The following TAFA2 variants were observed in gnomAD, a reference collection of about 807,000 sequenced individuals.
TAFA2 encodes the protein TAFA chemokine like family member 2, also known as chemokine-like protein TAFA-2.
A neutral mutation model predicts 18.8 loss-of-function variants in TAFA2; 7 were observed. The ratio of observed to expected loss-of-function variants is 0.37; its 90% CI spans 0.21 to 0.70. TAFA2 has a LOEUF of 0.70. Ranked by LOEUF, TAFA2 falls within the 30% of genes least tolerant of loss-of-function variation. The pLI is 0.53. For missense variants in TAFA2, 122 were observed against 158.1 expected, an observed-to-expected ratio of 0.77 and a Z score of 1.23; for synonymous variants, 60 against 54.2, an observed-to-expected ratio of 1.11 and a Z score of -0.47.
chr12:61,913,143 G>T (rs1876681451), intron 1 of TAFA2, among the ~76,000 whole-genome samples: 1 of 152,098 alleles, frequency 6.6e-6, no homozygotes, highest in Admixed American at 6.6e-5. Context: ...GAGGCTATAG[G>T]TTTTCAATTC....
chr12:61,921,439 A>G (rs1240977473), intron 1 of TAFA2, among the ~76,000 whole-genome samples: 1 of 152,168 alleles, frequency 6.6e-6, no homozygotes, highest in Non-Finnish European at 1.5e-5. Context: ...GAGGACCTTA[A>G]AATTTTGGCG....
At chr12:62,147,326 GTATATATATATATATA>G (rs1219861920) in intron 1 of TAFA2, among the ~76,000 whole-genome samples, 21 of 19,552 alleles carry the variant, frequency 1.1e-3, no homozygotes, top group African/African-American at 2.5e-3. Context: ...GTGTATGTAT[GTATATATATATATATA>G]TATATATATA....
intron 2 of TAFA2, among the ~76,000 whole-genome samples, chr12:61,761,488 G>A (rs1869545428): frequency 1.3e-5 from 2 of 152,018 alleles, no homozygotes; most frequent in South Asian, 4.2e-4. Flanking sequence ...CTTAATATGA[G>A]CACTAACTTA....
rs564047498 is a variant in TAFA2, at chr12:62,136,588, C to G, written c.-2+54671G>C. Among the ~76,000 whole-genome samples the G allele has an allele frequency of 2.0e-5, 3 of 152,234 alleles. No individual in the cohort carries two copies. The South Asian group carries it at 6.2e-4, about 32-fold the overall frequency. ...AGTTAAGCATAAGGTATAAAGACAT[C>G]CAAAGCTTTTTCTGTAAACACTATA... On this transcript the variant is annotated intron_variant, in intron 1 of 4. Coordinates refer to ENST00000416284, the MANE Select transcript of TAFA2 (RefSeq NM_178539.5).
intron 2 of TAFA2, among the ~76,000 whole-genome samples, chr12:61,826,272 A>T (rs888755701): frequency 1.3e-5 from 2 of 151,996 alleles, no homozygotes; most frequent in African/African-American, 4.8e-5. Context: ...CCTTTAAAAA[A>T]ATATTTCCAG....
chr12:61,736,435 G>A (rs991985618), intron 4 of TAFA2, among the ~76,000 whole-genome samples: 4 of 152,000 alleles, frequency 2.6e-5, no homozygotes, highest in African/African-American at 9.7e-5. Flanking sequence ...CTTTACTGAT[G>A]AATTTGGTAT....
intron 1 of TAFA2, among the ~76,000 whole-genome samples, chr12:61,990,691 G>T (rs1009464799): frequency 2.6e-5 from 4 of 152,146 alleles, no homozygotes; most frequent in Non-Finnish European, 5.9e-5. Flanking sequence ...AACACACAGG[G>T]TTGTCGTAAG....
chr12:61,719,932 A>G (rs1869823191), intron 4 of TAFA2, among the ~76,000 whole-genome samples: 2 of 152,204 alleles, frequency 1.3e-5, no homozygotes, highest in South Asian at 4.1e-4. Context: ...TATGTGGTAA[A>G]TCTTTTATTT....
intron 1 of TAFA2, chr12:62,234,825 C>T (rs772441253): frequency 4.3e-5 from 44 of 1,029,272 alleles, no homozygotes; most frequent in Non-Finnish European, 5.6e-5. Flanking sequence ...GTCTGGCTGA[C>T]TTACGAGAGT....
chr12:61,761,127 A>G (rs1249539476), intron 2 of TAFA2, among the ~76,000 whole-genome samples: 2 of 152,030 alleles, frequency 1.3e-5, no homozygotes, highest in Non-Finnish European at 2.9e-5. Flanking sequence ...TGCCTCTTAA[A>G]TCATATCTTA....
chr12:61,744,004 C>T (rs1316545715), intron 4 of TAFA2, among the ~76,000 whole-genome samples: 2 of 151,992 alleles, frequency 1.3e-5, no homozygotes, highest in African/African-American at 4.8e-5. Flanking sequence ...TTTTATTAAG[C>T]CATTTTAGTA....
At chr12:62,013,706 A>G (rs1880840314) in intron 1 of TAFA2, among the ~76,000 whole-genome samples, 1 of 152,256 alleles carries the variant, frequency 6.6e-6, no homozygotes, top group Non-Finnish European at 1.5e-5. Context: ...TCTATTTAAT[A>G]ACAACTTATT....
intron 4 of TAFA2, among the ~76,000 whole-genome samples, chr12:61,710,923 GAAAAATTATA>G (rs1869372921): frequency 2.2e-5 from 1 of 46,026 alleles, no homozygotes; most frequent in Admixed American, 1.9e-4. Context: ...AATTATATTT[GAAAAATTATA>G]TTTGAAAAAT....
At chr12:61,754,290 A>G (rs1869159314) in intron 3 of TAFA2, among the ~76,000 whole-genome samples, 1 of 152,004 alleles carries the variant, frequency 6.6e-6, no homozygotes, top group Non-Finnish European at 1.5e-5. Context: ...ATATTATAGT[A>G]ATATGAGCAC....
chr12:62,233,504 C>G (rs1169477734), intron 1 of TAFA2, among the ~76,000 whole-genome samples: 2 of 152,154 alleles, frequency 1.3e-5, no homozygotes, highest in Non-Finnish European at 2.9e-5. Flanking sequence ...ATCCTCTCCA[C>G]GTCCATTTCT....
At chr12:62,239,762 C>A (rs1037857115) in intron 1 of TAFA2, among the ~76,000 whole-genome samples, 1 of 152,216 alleles carries the variant, frequency 6.6e-6, no homozygotes, top group East Asian at 1.9e-4. Context: ...CCGAGTGAGT[C>A]TTCAAATGAT....
intron 1 of TAFA2, among the ~76,000 whole-genome samples, chr12:62,037,386 T>C (rs1881638103): frequency 6.6e-6 from 1 of 152,208 alleles, no homozygotes; most frequent in Non-Finnish European, 1.5e-5. Flanking sequence ...GATTAAGTCT[T>C]CAACAGCTAA....
chr12:62,120,082 A>C (rs1334281744), intron 1 of TAFA2, among the ~76,000 whole-genome samples: 1 of 152,150 alleles, frequency 6.6e-6, no homozygotes, highest in East Asian at 1.9e-4. Flanking sequence ...CATTAAAAAA[A>C]AAAGTAAAAG....
At chr12:62,081,056 G>A (rs760493354) in intron 1 of TAFA2, among the ~76,000 whole-genome samples, 82 of 152,196 alleles carry the variant, frequency 5.4e-4, no homozygotes, top group Middle Eastern at 3.4e-3. Context: ...TTAGCCGGGC[G>A]TAGTGGGGGG....
Sources: allele counts gnomAD v4.1 joint callset (sites outside exome capture counted in the v4.1 genomes callset), GRCh38; gene constraint gnomAD v4.1.1; transcripts MANE v1.5; gene names NCBI Gene and HGNC (gene_info 2026-07-23, HGNC 2026-07-21).